The following FASTKD1 variants were observed in gnomAD, a reference collection of about 807,000 sequenced individuals.
The protein encoded by FASTKD1 is FAST kinase domain-containing protein 1, mitochondrial.
Under a neutral mutation model 90.9 loss-of-function variants are expected in FASTKD1, and 94 were observed. The ratio of observed to expected loss-of-function variants is 1.03; its 90% confidence interval spans 0.88 to 1.23. FASTKD1 has a LOEUF of 1.23. Among genes scored for constraint, FASTKD1 ranks in the 50% most tolerant of loss-of-function variants. FASTKD1 has a pLI of 0.00. For synonymous variants in FASTKD1, 319 were observed against 345.8 expected, an observed-to-expected ratio of 0.92 and a Z score of 0.86; for missense variants, 945 against 993.5, an observed-to-expected ratio of 0.95 and a Z score of 0.66.
In FASTKD1 at chr2:169,555,113, T is replaced by C; in HGVS notation, c.1214+11A>G. 6.2e-7 allele frequency: 1 copy of C among 1,601,862 alleles called. No individual in the cohort carries two copies. Among genetic ancestry groups the C allele is most frequent in the South Asian group, 1.1e-5 (1 of 89,694 alleles). ...ATGAAACACTAAACAAAATTTCTATTTTAATCTTACCTAAGCAGTAATTCT... is the reference window on the plus strand; with the variant it reads ...ATGAAACACTAAACAAAATTTCTATCTTAATCTTACCTAAGCAGTAATTCT... On this transcript the variant is annotated intron_variant, in intron 7 of 14. Coordinates refer to ENST00000453153, the MANE Select transcript of FASTKD1 (RefSeq NM_024622.6).
Position 169,563,359 on chromosome 2 carries a change from G to C in FASTKD1, c.447-9C>G. On this transcript the variant is annotated splice_polypyrimidine_tract_variant and intron_variant, in intron 3 of 14. Transcript: ENST00000453153. ...GCAGTTTAATATCAAACCTATTAAAGGAAATATACAAAGGAGAACATTAGT... is the reference window on the plus strand; with the variant it reads ...GCAGTTTAATATCAAACCTATTAAACGAAATATACAAAGGAGAACATTAGT... The C allele has an allele frequency of 6.4e-7, 1 of 1,574,048 alleles. No individual in the cohort carries two copies. Among genetic ancestry groups the C allele is most frequent in the South Asian group, 1.1e-5 (1 of 89,070 alleles).
chr2:169,536,407 A>T (rs548093364), intron 12 of FASTKD1, among the ~76,000 whole-genome samples: 44 of 150,392 alleles, frequency 2.9e-4, no homozygotes, highest in East Asian at 9.7e-4. Context: ...ACATGCAAAA[A>T]ATATATATAT....
At position 169,546,573 on chromosome 2, in the gene FASTKD1, T is replaced by A. The variant is rs1211565854; in HGVS notation, c.1346A>T (p.Asn449Ile). Residue 449 changes from asparagine to isoleucine, a missense_variant, in exon 8 of 15, where the codon AAT becomes ATT. Physicochemically the swap from Asn to Ile is moderately radical, Grantham distance 149. Coordinates refer to ENST00000453153, the MANE Select transcript of FASTKD1 (RefSeq NM_024622.6). ...AGATGTGGCAAAACTACTCAGGTTA[T>A]TTAGGTCACACTGTGGTAAAACGGC... is the stretch of plus-strand genomic sequence containing the variant. ...IEAVLPQCDLNNLSSFATSVL... is the reference protein window; with the variant it reads ...IEAVLPQCDLINLSSFATSVL... The A allele has an allele frequency of 1.2e-6, 2 of 1,614,162 alleles. No individual in the cohort carries two copies. Among genetic ancestry groups the A allele is most frequent in the South Asian group, 2.2e-5 (2 of 91,090 alleles).
intron 3 of FASTKD1, among the ~76,000 whole-genome samples, chr2:169,563,707 G>A (rs1397262684): frequency 6.6e-6 from 1 of 151,920 alleles, no homozygotes; most frequent in Non-Finnish European, 1.5e-5. Context: ...AAAATGGCAA[G>A]ACAAAAGAGA....
intron 5 of FASTKD1, among the ~76,000 whole-genome samples, chr2:169,559,038 G>A (rs764363750): frequency 6.7e-6 from 1 of 148,364 alleles, no homozygotes; most frequent in African/African-American, 2.5e-5. Context: ...GTAATGGCGC[G>A]ATCTTGGCTT....
At chr2:169,538,892 T>C (rs1243550178) in intron 10 of FASTKD1, among the ~76,000 whole-genome samples, 2 of 152,104 alleles carry the variant, frequency 1.3e-5, no homozygotes, top group Non-Finnish European at 2.9e-5. Context: ...TTTAATAATA[T>C]GGAAAATTGC....
chr2:169,546,075 C>G, intron 8 of FASTKD1, 143 bp downstream of exon 8: 2 of 858,904 alleles, frequency 2.3e-6, no homozygotes, highest in Non-Finnish European at 3.4e-6. Context: ...GAATTACAGG[C>G]TTGAGCTACC....
At position 169,529,803 on chromosome 2, in the gene FASTKD1, T is replaced by A. The variant is rs1684398158; in HGVS notation, c.*22A>T. ...AAATAGGTCCAAATGTAACACACGATAACATTCATTTTAAATAAAAACTAC... is the reference window on the plus strand; with the variant it reads ...AAATAGGTCCAAATGTAACACACGAAAACATTCATTTTAAATAAAAACTAC... On this transcript the variant is annotated 3_prime_UTR_variant, in exon 15 of 15. Transcript: ENST00000453153. 6.6e-7 allele frequency: 1 copy of A among 1,525,220 alleles called. No homozygotes were observed. Among genetic ancestry groups the A allele is most frequent in the Non-Finnish European group, 9.0e-7 (1 of 1,107,688 alleles). The allele number at this position is 1,525,220 out of a possible 1,614,324, so 94.5% of individuals were successfully genotyped here.
chr2:169,572,180 G>T lies in FASTKD1; in HGVS notation c.-142-9C>A, dbSNP rs1684264906. 1.2e-6 allele frequency: 1 copy of T among 834,558 alleles called. No individual in the cohort carries two copies. Among genetic ancestry groups the T allele is most frequent in the African/African-American group, 1.7e-5 (1 of 57,612 alleles). The allele number at this position is 834,558 out of a possible 1,614,324, so 51.7% of individuals were successfully genotyped here. On this transcript the variant is annotated splice_polypyrimidine_tract_variant and intron_variant, in intron 1 of 14. Coordinates refer to ENST00000453153, the MANE Select transcript of FASTKD1 (RefSeq NM_024622.6). The stretch of plus-strand genomic sequence containing the variant: ...ATTCCAATGTACAGCTTCTATAAAA[G>T]AATTGGTTTAACATGGTTATGCTTA...
intron 7 of FASTKD1, among the ~76,000 whole-genome samples, chr2:169,550,691 C>G (rs1685453290): frequency 6.6e-6 from 1 of 152,096 alleles, no homozygotes; most frequent in Non-Finnish European, 1.5e-5. Context: ...GTTGAACACA[C>G]CGGTCTTGAA....
chr2:169,554,430 C>T (rs1275539371), intron 7 of FASTKD1, among the ~76,000 whole-genome samples: 1 of 151,360 alleles, frequency 6.6e-6, no homozygotes, highest in East Asian at 1.9e-4. Context: ...TTGGGAGGCT[C>T]AGGCAGGTGG....
chr2:169,547,239 C>T (rs573723035), intron 7 of FASTKD1, among the ~76,000 whole-genome samples: 11 of 152,310 alleles, frequency 7.2e-5, no homozygotes, highest in African/African-American at 2.2e-4. Context: ...GGAAGGGGTG[C>T]AGAGCTTCCA....
intron 12 of FASTKD1, among the ~76,000 whole-genome samples, chr2:169,535,771 C>T (rs1452655436): frequency 1.3e-5 from 2 of 152,228 alleles, no homozygotes; most frequent in South Asian, 2.1e-4. Flanking sequence ...AATACTCAGC[C>T]TCTGCCTCAA....
In FASTKD1 at chr2:169,562,099, A is replaced by AATTATTTGTTAATTTATTGTAAAT. The variant is rs1559157688; in HGVS notation, c.572+1125_572+1126insATTTACAATAAATTAACAAATAAT. Among the ~76,000 whole-genome samples, 16 of 38,148 alleles carry AATTATTTGTTAATTTATTGTAAAT rather than the reference A, an allele frequency of 4.2e-4. 3 individuals are homozygous for AATTATTTGTTAATTTATTGTAAAT. Among genetic ancestry groups the AATTATTTGTTAATTTATTGTAAAT allele is most frequent in the Non-Finnish European group, 6.3e-4 (14 of 22,050 alleles). 25.0% of individuals were successfully genotyped at this position (38,148 alleles called of 152,430 possible). A position where few individuals can be genotyped will look rare whatever the true frequency, so the allele number is the denominator to read the frequency against. Reference sequence around the variant, plus strand: ...TAATTATTTATTAATTTATTGTAAAATAATTATTTATTAATTTATTGTAAA... The same window carrying AATTATTTGTTAATTTATTGTAAAT: ...TAATTATTTATTAATTTATTGTAAAAATTATTTGTTAATTTATTGTAAATTAATTATTTATTAATTTATTGTAAA... On this transcript the variant is annotated intron_variant, in intron 4 of 14. Coordinates refer to ENST00000453153, the MANE Select transcript of FASTKD1 (RefSeq NM_024622.6).
At chr2:169,570,844 T>A (rs1365439271) in intron 2 of FASTKD1, among the ~76,000 whole-genome samples, 2 of 151,934 alleles carry the variant, frequency 1.3e-5, no homozygotes, top group African/African-American at 2.4e-5. Flanking sequence ...CCCAGCTAAT[T>A]TTTGTATTTT....
intron 3 of FASTKD1, 133 bp from the exon 4 acceptor site, chr2:169,563,483 T>G: frequency 1.9e-6 from 1 of 533,776 alleles, no homozygotes; most frequent in Non-Finnish European, 2.8e-6. Context: ...GTTATTATTA[T>G]AAAAGTAACA....
intron 9 of FASTKD1, among the ~76,000 whole-genome samples, chr2:169,543,253 C>T (rs893168795): frequency 1.3e-5 from 2 of 152,072 alleles, no homozygotes; most frequent in Admixed American, 6.6e-5. Flanking sequence ...CACCTAAAGT[C>T]GGGAGTTCGA....
At chr2:169,569,323 G>A in intron 2 of FASTKD1, 71 bp from the exon 3 acceptor site, 2 of 1,381,762 alleles carry the variant, frequency 1.4e-6, no homozygotes, top group Non-Finnish European at 2.1e-6. Flanking sequence ...CAATACGAAT[G>A]ATAATGCAAA....
chr2:169,561,776 T>A (rs1273241916), intron 4 of FASTKD1, among the ~76,000 whole-genome samples: 3 of 136,690 alleles, frequency 2.2e-5, no homozygotes, highest in African/African-American at 8.1e-5. Flanking sequence ...TATTGTAAAT[T>A]ATTTATTAAT....
Sources: allele counts gnomAD v4.1 joint callset (sites outside exome capture counted in the v4.1 genomes callset), GRCh38; gene constraint gnomAD v4.1.1; transcripts MANE v1.5; gene names NCBI Gene and HGNC (gene_info 2026-07-23, HGNC 2026-07-21).